Variants in PCDHA12 observed in about 807,000 individuals in gnomAD.
PCDHA12 encodes the protein protocadherin alpha 12.
A neutral mutation model predicts 60.0 loss-of-function variants in PCDHA12; 44 were observed. The ratio of observed to expected loss-of-function variants is 0.73; its 90% confidence interval spans 0.58 to 0.94. The LOEUF is 0.94. PCDHA12 is among the 40% of genes least tolerant of loss of function. The pLI is 0.00. For missense variants in PCDHA12, 1,276 were observed against 1,239.7 expected (o/e 1.03, Z -0.44); for synonymous variants, 569 against 553.0 (o/e 1.03, Z -0.40).
chr5:140,941,685 A>G (rs983394705), intron 1 of PCDHA12, among the ~76,000 whole-genome samples: 2 of 151,952 alleles, frequency 1.3e-5, no homozygotes, highest in Non-Finnish European at 2.9e-5. Flanking sequence ...TATTCTGTTT[A>G]CCTCTTTGGG....
chr5:140,884,556 GC>G, intron 1 of PCDHA12: 2 of 1,614,154 alleles, frequency 1.2e-6, no homozygotes, highest in Non-Finnish European at 1.7e-6. Flanking sequence ...TCTGGGGAGG[GC>G]CCGCATAAGA....
At chr5:140,890,136 T>C (rs1297709763) in intron 1 of PCDHA12, among the ~76,000 whole-genome samples, 4 of 152,148 alleles carry the variant, frequency 2.6e-5, no homozygotes, top group Non-Finnish European at 4.4e-5. Flanking sequence ...TAGCTTGAAA[T>C]TGGCCATGGT....
At chr5:140,931,884 T>A (rs1554208638) in intron 1 of PCDHA12, among the ~76,000 whole-genome samples, 1 of 151,972 alleles carries the variant, frequency 6.6e-6, no homozygotes, top group Non-Finnish European at 1.5e-5. Flanking sequence ...ATTGCTTTCA[T>A]TTTATTTCAA....
chr5:140,928,252 G>A (rs1377533547), intron 1 of PCDHA12: 3 of 1,614,206 alleles, frequency 1.9e-6, no homozygotes, highest in East Asian at 2.2e-5. Flanking sequence ...GGAACTTTTC[G>A]TTGCTGAAAA....
intron 1 of PCDHA12, among the ~76,000 whole-genome samples, chr5:140,957,828 G>A (rs554121251): frequency 6.0e-5 from 9 of 150,668 alleles, no homozygotes; most frequent in Non-Finnish European, 1.2e-4. Context: ...AAGAGAAAGT[G>A]TTAATTGATT....
At position 140,876,028 on chromosome 5, in the gene PCDHA12, A is replaced by G; in HGVS notation, c.556A>G (p.Lys186Glu). The part of the protein sequence containing the change: ...ENFELKIKTK[K>E]DKSILPELVL... ...TTTTGAGCTTAAAATAAAAACAAAA[A>G]AAGATAAAAGTATATTGCCTGAATT... is the stretch of plus-strand genomic sequence containing the variant. Residue 186 changes from lysine to glutamate, a missense_variant, in exon 1 of 4, where the codon AAA becomes GAA. Coordinates refer to ENST00000398631, the MANE Select transcript of PCDHA12 (RefSeq NM_018903.4). 1 of 1,613,716 alleles carries G rather than the reference A, an allele frequency of 6.2e-7. No homozygotes were observed. Among genetic ancestry groups the G allele is most frequent in the Non-Finnish European group, 8.5e-7 (1 of 1,179,836 alleles).
chr5:140,927,247 G>A (rs782521189), intron 1 of PCDHA12: 7 of 1,613,978 alleles, frequency 4.3e-6, no homozygotes, highest in Middle Eastern at 3.3e-4. Flanking sequence ...GGACACCAAT[G>A]ACAACTCACC....
chr5:140,988,557 T>G (rs1236263807), intron 3 of PCDHA12, among the ~76,000 whole-genome samples: 3 of 152,190 alleles, frequency 2.0e-5, no homozygotes, highest in African/African-American at 7.2e-5. Context: ...CTTCATCTTC[T>G]TCTTGGGAAA....
At chr5:140,943,826 GA>G (rs1186583699) in intron 1 of PCDHA12, among the ~76,000 whole-genome samples, 5 of 152,198 alleles carry the variant, frequency 3.3e-5, no homozygotes, top group African/African-American at 1.2e-4. Flanking sequence ...AAAATGAGTT[GA>G]TTGAAGTTGT....
intron 1 of PCDHA12, chr5:140,884,546 T>C (rs1554181711): frequency 6.2e-7 from 1 of 1,614,082 alleles, no homozygotes; most frequent in Non-Finnish European, 8.5e-7. Flanking sequence ...GAGGGTGTGC[T>C]CTGGGGAGGG....
At chr5:140,883,636 G>A (rs781839349) in intron 1 of PCDHA12, 5 of 1,613,974 alleles carry the variant, frequency 3.1e-6, no homozygotes, top group South Asian at 2.2e-5. Context: ...CGGCGTTCGC[G>A]CAGCCCGAGT....
chr5:140,992,757 G>A (rs1345373474), intron 3 of PCDHA12, among the ~76,000 whole-genome samples: 2 of 152,110 alleles, frequency 1.3e-5, no homozygotes, highest in Non-Finnish European at 2.9e-5. Context: ...CCTGTGTTGG[G>A]GATAGGAGGG....
At chr5:140,969,578 G>A (rs2096343344) in intron 1 of PCDHA12, 2 of 957,378 alleles carry the variant, frequency 2.1e-6, no homozygotes, top group Admixed American at 5.9e-5. Context: ...TGAGAAGTGA[G>A]GATTAGTCTT....
chr5:140,888,789 G>A (rs536846098), intron 1 of PCDHA12, among the ~76,000 whole-genome samples: 1 of 152,066 alleles, frequency 6.6e-6, no homozygotes, highest in Admixed American at 6.5e-5. Flanking sequence ...AGCCTGATCT[G>A]GGGAGGTTGA....
rs201793837 is a variant in PCDHA12 at position 141,003,710 on chromosome 5, A to G, written c.2516-5917A>G. Among the ~76,000 whole-genome samples, 7 of 152,316 alleles carry G rather than the reference A, an allele frequency of 4.6e-5. No homozygotes were observed. The East Asian group carries it at 1.2e-3, about 25-fold the overall frequency. On this transcript the variant is annotated intron_variant, in intron 3 of 3. Transcript: ENST00000398631. ...AAATATATCCCTACCAATTGTGAAG[A>G]TATCGGCTAATCCAATAAAAAAGCA... is the stretch of plus-strand genomic sequence containing the variant.
At chr5:140,979,710 A>G (rs1178718053) in intron 2 of PCDHA12, among the ~76,000 whole-genome samples, 1 of 152,268 alleles carries the variant, frequency 6.6e-6, no homozygotes, top group Non-Finnish European at 1.5e-5. Flanking sequence ...GAGGTGATCC[A>G]GTATCCATGC....
At chr5:140,941,412 G>A (rs246068) in intron 1 of PCDHA12, among the ~76,000 whole-genome samples, 46,949 of 148,492 alleles carry the variant, frequency 0.32, 7,794 homozygotes, top group East Asian at 0.53. Context: ...CGCCTCCCGG[G>A]TTCAAGCAAT....
intron 1 of PCDHA12, among the ~76,000 whole-genome samples, chr5:140,912,892 A>T (rs1554195590): frequency 2.0e-5 from 3 of 152,210 alleles, no homozygotes. Context: ...TTCTGTTGAT[A>T]TGATGTATCA....
At chr5:140,963,120 A>G (rs1210822785) in intron 1 of PCDHA12, among the ~76,000 whole-genome samples, 1 of 152,174 alleles carries the variant, frequency 6.6e-6, no homozygotes, top group African/African-American at 2.4e-5. Context: ...ATAATTAAAG[A>G]GATAATATTA....
Sources: gnomAD v4.1 joint callset for allele counts (sites outside exome capture counted in the v4.1 genomes callset) on GRCh38, gnomAD v4.1.1 for gene constraint, MANE v1.5 for transcripts, NCBI Gene and HGNC (gene_info 2026-07-23, HGNC 2026-07-21) for gene names.